Variants in PCDHA2 observed in about 807,000 individuals in gnomAD.
The protein encoded by PCDHA2 is protocadherin alpha 2, also known as protocadherin alpha-2.
Under a neutral mutation model 66.0 loss-of-function variants are expected in PCDHA2, and 58 were observed. The observed-to-expected ratio is 0.88, with a 90% CI of 0.71 to 1.09. The LOEUF is 1.09. Ranked by LOEUF, PCDHA2 falls within the 50% of genes least tolerant of loss-of-function variation. PCDHA2 has a pLI of 0.00. For missense variants in PCDHA2, 1,267 were observed against 1,242.3 expected, an observed-to-expected ratio of 1.02 and a Z score of -0.30; for synonymous variants, 634 against 554.0, an observed-to-expected ratio of 1.14 and a Z score of -2.03.
At position 140,844,592 on chromosome 5, in the gene PCDHA2, A is replaced by G. The variant is rs2150372335; in HGVS notation, c.2388+47240A>G. 4.7e-5 allele frequency among the ~76,000 whole-genome samples: 7 copies of G among 149,514 alleles called. 1 individual carries two copies. Among genetic ancestry groups the G allele is most frequent in the Admixed American group, 6.7e-5 (1 of 14,904 alleles). On this transcript the variant is annotated intron_variant, in intron 1 of 3. Coordinates refer to ENST00000526136, the MANE Select transcript of PCDHA2 (RefSeq NM_018905.3). ...AATATTCCACATTAAAGTGATATTTAATATATGACTTAGAAAAATGTTTTC... is the reference window on the plus strand; with the variant it reads ...AATATTCCACATTAAAGTGATATTTGATATATGACTTAGAAAAATGTTTTC...
chr5:140,855,640 A>G (rs555429613), intron 1 of PCDHA2, among the ~76,000 whole-genome samples: 1 of 150,004 alleles, frequency 6.7e-6, no homozygotes, highest in East Asian at 1.9e-4. Context: ...GCTATTGATA[A>G]TCATGTGGTT....
intron 1 of PCDHA2, chr5:140,836,354 C>A (rs2150258506): frequency 1.2e-6 from 2 of 1,613,672 alleles, no homozygotes; most frequent in Admixed American, 3.3e-5. Flanking sequence ...ACGGGGAGCC[C>A]TCGCTGACAG....
Position 140,835,798 on chromosome 5 carries a change from G to C in PCDHA2, c.2388+38446G>C, listed in dbSNP as rs2150245143. 6.8e-6 allele frequency: 11 copies of C among 1,612,744 alleles called. No individual in the cohort carries two copies. Among genetic ancestry groups the C allele is most frequent in the Middle Eastern group, 1.9e-4 (1 of 5,380 alleles). ...GTGAAGGAGAACAACCCGCCGGGCT[G>C]CCACATCTTCACTGTGTCGGCGGGG... On this transcript the variant is annotated intron_variant, in intron 1 of 3. Coordinates refer to ENST00000526136, the MANE Select transcript of PCDHA2 (RefSeq NM_018905.3).
At chr5:140,992,517 G>C (rs78765218) in intron 3 of PCDHA2, among the ~76,000 whole-genome samples, 388 of 152,300 alleles carry the variant, frequency 2.5e-3, no homozygotes, top group African/African-American at 8.8e-3. Flanking sequence ...GGGCATGGTA[G>C]CTAATGGAAA....
chr5:140,863,348 C>T, intron 1 of PCDHA2: 2 of 1,313,382 alleles, frequency 1.5e-6, no homozygotes, highest in Non-Finnish European at 2.1e-6. Flanking sequence ...CTGCTGTACA[C>T]GACGCTGCGG....
chr5:140,842,784 C>A (rs1285950480), intron 1 of PCDHA2: 4 of 1,594,370 alleles, frequency 2.5e-6, no homozygotes, highest in Non-Finnish European at 3.4e-6. Context: ...CAGGAGAACG[C>A]GCTGGTGTCC....
In PCDHA2 at chr5:140,927,334, G is replaced by A. The variant is rs201745433; in HGVS notation, c.2389-51615G>A. The A allele has an allele frequency of 4.6e-5, 74 of 1,614,180 alleles. No individual in the cohort carries two copies. Among genetic ancestry groups the A allele is most frequent in the Non-Finnish European group, 5.9e-5 (70 of 1,180,032 alleles). ...CGGAGCCCGCTTTACTCTCCCGAAT[G>A]CCCAAGATGACGACGAGGGAAGCAA... On this transcript the variant is annotated intron_variant, in intron 1 of 3. Transcript: ENST00000526136.
At chr5:140,954,367 C>T (rs246024) in intron 1 of PCDHA2, among the ~76,000 whole-genome samples, 85,692 of 152,060 alleles carry the variant, frequency 0.56, 24,769 homozygotes, top group African/African-American at 0.69. Context: ...CACACAGTCT[C>T]CCACAATGAG....
intron 2 of PCDHA2, chr5:140,982,222 A>C: frequency 3.5e-6 from 2 of 569,284 alleles, no homozygotes; most frequent in Non-Finnish European, 2.7e-6. Context: ...CATGGCGTTA[A>C]TAAAAAACAG....
chr5:140,908,442 T>A (rs2073975632), intron 1 of PCDHA2, among the ~76,000 whole-genome samples: 1 of 152,160 alleles, frequency 6.6e-6, no homozygotes, highest in Non-Finnish European at 1.5e-5. Flanking sequence ...CACCCCACTT[T>A]ATGGCTAGAT....
At chr5:140,894,554 G>GA (rs1204407145) in intron 1 of PCDHA2, among the ~76,000 whole-genome samples, 2 of 151,600 alleles carry the variant, frequency 1.3e-5, no homozygotes, top group Non-Finnish European at 2.9e-5. Flanking sequence ...GTTTACTTCT[G>GA]AAAAAATTAT....
chr5:140,862,550 G>A, intron 1 of PCDHA2: 2 of 458,460 alleles, frequency 4.4e-6, no homozygotes, highest in Admixed American at 2.4e-5. Flanking sequence ...GGAAGTGGCC[G>A]AACAGTGAAC....
At chr5:140,977,337 G>A (rs1554238444) in intron 1 of PCDHA2, among the ~76,000 whole-genome samples, 4 of 152,150 alleles carry the variant, frequency 2.6e-5, no homozygotes, top group South Asian at 2.1e-4. Context: ...GGGGAGAGAC[G>A]GTGATGATGA....
At chr5:140,989,174 G>T (rs1305141291) in intron 3 of PCDHA2, among the ~76,000 whole-genome samples, 3 of 152,132 alleles carry the variant, frequency 2.0e-5, no homozygotes, top group Non-Finnish European at 4.4e-5. Flanking sequence ...TAAAACAGGA[G>T]AGTTTCTGAA....
At chr5:140,949,234 A>C (rs2094354068) in intron 1 of PCDHA2, among the ~76,000 whole-genome samples, 1 of 151,820 alleles carries the variant, frequency 6.6e-6, no homozygotes, top group South Asian at 2.1e-4. Flanking sequence ...TCTGTGGCCC[A>C]GCAACAGTCT....
chr5:140,896,635 C>T (rs539969970), intron 1 of PCDHA2, among the ~76,000 whole-genome samples: 4 of 152,178 alleles, frequency 2.6e-5, no homozygotes, highest in South Asian at 4.1e-4. Context: ...CCTTGGCCTC[C>T]CAAAGTGCTA....
At chr5:140,830,066 C>G (rs1770795719) in intron 1 of PCDHA2, 1 of 1,613,706 alleles carries the variant, frequency 6.2e-7, no homozygotes, top group Non-Finnish European at 8.5e-7. Flanking sequence ...TGAGCCGGCG[C>G]TGACAGCGAC....
Position 140,875,145 on chromosome 5 carries a change from T to A in PCDHA2, c.2388+77793T>A, listed in dbSNP as rs191347942. On this transcript the variant is annotated intron_variant, in intron 1 of 3. Coordinates refer to ENST00000526136, the MANE Select transcript of PCDHA2 (RefSeq NM_018905.3). ...TAACTAAACCCGCATTTATAAATGA[T>A]CCGTGAAAAATAACCCAAAGTCGAA... Among the ~76,000 whole-genome samples the A allele has an allele frequency of 3.1e-3, 468 of 152,306 alleles. 3 individuals are homozygous for A. The highest frequency in any genetic ancestry group is 0.014 in the Middle Eastern group (4 of 294).
chr5:140,799,508 C>T (rs1762438458), intron 1 of PCDHA2, among the ~76,000 whole-genome samples: 1 of 151,836 alleles, frequency 6.6e-6, no homozygotes, highest in South Asian at 2.1e-4. Flanking sequence ...AGAAATAATG[C>T]TTAAATGTTT....
Sources: allele counts gnomAD v4.1 joint callset (sites outside exome capture counted in the v4.1 genomes callset), GRCh38; gene constraint gnomAD v4.1.1; transcripts MANE v1.5; gene names NCBI Gene and HGNC (gene_info 2026-07-23, HGNC 2026-07-21).